Variants in MFHAS1 observed in about 807,000 individuals in gnomAD.
MFHAS1 encodes multifunctional ROCO family signaling regulator 1, also known as malignant fibrous histiocytoma-amplified sequence 1.
In MFHAS1, 50 loss-of-function variants were observed where a neutral mutation model predicts 70.4. That is an observed-to-expected ratio of 0.71 (90% CI 0.57 to 0.90). The LOEUF is 0.90. Among genes scored for constraint, MFHAS1 ranks in the 40% least tolerant of loss-of-function variants. MFHAS1 has a pLI of 0.00. For synonymous variants in MFHAS1, 952 were observed against 620.0 expected (o/e 1.54, Z -7.96); for missense variants, 1,795 against 1,347.6 (o/e 1.33, Z -5.20).
chr8:8,871,986 C>A (rs953385433), intron 1 of MFHAS1, among the ~76,000 whole-genome samples: 1 of 152,130 alleles, frequency 6.6e-6, no homozygotes. Context: ...GAAAATCTGC[C>A]CCATTCCAGA....
chr8:8,843,698 G>C (rs565968045), intron 1 of MFHAS1, among the ~76,000 whole-genome samples: 2 of 152,262 alleles, frequency 1.3e-5, no homozygotes, highest in South Asian at 4.1e-4. Flanking sequence ...GAAGAAGCAG[G>C]TCAGAAGAGA....
At chr8:8,856,048 C>A (rs1414591053) in intron 1 of MFHAS1, among the ~76,000 whole-genome samples, 2 of 152,128 alleles carry the variant, frequency 1.3e-5, no homozygotes, top group Non-Finnish European at 2.9e-5. Context: ...CGAGCGGGGA[C>A]TGAATGTTTA....
chr8:8,879,095 T>C (rs762474914), intron 1 of MFHAS1, among the ~76,000 whole-genome samples: 1 of 152,076 alleles, frequency 6.6e-6, no homozygotes, highest in Non-Finnish European at 1.5e-5. Context: ...ACGCCTGTAA[T>C]CCCAGCACTT....
At chr8:8,795,699 C>T (rs953532185) in intron 2 of MFHAS1, among the ~76,000 whole-genome samples, 1 of 152,174 alleles carries the variant, frequency 6.6e-6, no homozygotes, top group Non-Finnish European at 1.5e-5. Context: ...TGGGAACCCT[C>T]GCTTTGCAGG....
At chr8:8,861,855 T>C (rs1405217730) in intron 1 of MFHAS1, among the ~76,000 whole-genome samples, 2 of 152,234 alleles carry the variant, frequency 1.3e-5, no homozygotes, top group African/African-American at 4.8e-5. Flanking sequence ...TCACTCAGCA[T>C]AATGCTTTTG....
intron 1 of MFHAS1, among the ~76,000 whole-genome samples, chr8:8,803,828 G>A (rs937350886): frequency 1.3e-5 from 2 of 151,886 alleles, no homozygotes; most frequent in Non-Finnish European, 2.9e-5. Context: ...AAAAATTAGC[G>A]GGGCATCGTG....
intron 1 of MFHAS1, among the ~76,000 whole-genome samples, chr8:8,865,732 T>G (rs916715162): frequency 6.6e-6 from 1 of 152,236 alleles, no homozygotes; most frequent in Non-Finnish European, 1.5e-5. Flanking sequence ...TTGCCACTAT[T>G]AAACCAGGCA....
chr8:8,808,456 C>T (rs181601522), intron 1 of MFHAS1, among the ~76,000 whole-genome samples: 24 of 152,240 alleles, frequency 1.6e-4, no homozygotes, highest in African/African-American at 4.8e-4. Flanking sequence ...TCATAATGGC[C>T]CGAAAGTGTA....
At chr8:8,865,554 A>C (rs1361541519) in intron 1 of MFHAS1, among the ~76,000 whole-genome samples, 1 of 152,218 alleles carries the variant, frequency 6.6e-6, no homozygotes, top group African/African-American at 2.4e-5. Flanking sequence ...GGAATCACAT[A>C]GAAAAGCAAC....
intron 1 of MFHAS1, among the ~76,000 whole-genome samples, chr8:8,853,916 T>C (rs1256278301): frequency 6.6e-6 from 1 of 152,220 alleles, no homozygotes; most frequent in Non-Finnish European, 1.5e-5. Context: ...CCATACTCAC[T>C]AACACACTGG....
chr8:8,867,882 C>G (rs2116902446), intron 1 of MFHAS1, among the ~76,000 whole-genome samples: 1 of 152,186 alleles, frequency 6.6e-6, no homozygotes, highest in Admixed American at 6.5e-5. Flanking sequence ...TTTTTAGTAA[C>G]AGGTTAAAAA....
intron 1 of MFHAS1, among the ~76,000 whole-genome samples, chr8:8,859,368 C>A (rs1808576436): frequency 6.6e-6 from 1 of 152,126 alleles, no homozygotes; most frequent in Non-Finnish European, 1.5e-5. Context: ...AAAAAGTTCA[C>A]CATGTTTCCT....
Position 8,784,351 on chromosome 8 carries a change from A to T in MFHAS1, c.*1671T>A, listed in dbSNP as rs539285432. 2.0e-5 allele frequency: 3 copies of T among 152,198 alleles called. No homozygotes were observed. Among genetic ancestry groups the T allele is most frequent in the Non-Finnish European group, 4.4e-5 (3 of 68,040 alleles). The allele number at this position is 152,198 out of a possible 1,614,324, so 9.4% of individuals were successfully genotyped here. A position where few individuals can be genotyped will look rare whatever the true frequency, so the allele number is the denominator to read the frequency against. On this transcript the variant is annotated 3_prime_UTR_variant, in exon 3 of 3. Coordinates refer to ENST00000276282, the MANE Select transcript of MFHAS1 (RefSeq NM_004225.3). ...TGTGACAAAAGGATTCACCAGATTAATCTTGTGACTGTGTTCTAAAAGAAA... is the reference window on the plus strand; with the variant it reads ...TGTGACAAAAGGATTCACCAGATTATTCTTGTGACTGTGTTCTAAAAGAAA...
chr8:8,811,850 G>A (rs1450000805), intron 1 of MFHAS1, among the ~76,000 whole-genome samples: 3 of 152,198 alleles, frequency 2.0e-5, no homozygotes, highest in Admixed American at 6.5e-5. Flanking sequence ...TCCGACACTG[G>A]TGGGGCACAG....
intron 1 of MFHAS1, among the ~76,000 whole-genome samples, chr8:8,876,555 T>C (rs894230322): frequency 4.6e-5 from 7 of 151,956 alleles, no homozygotes; most frequent in Admixed American, 4.6e-4. Context: ...GCTAACGTGG[T>C]GAAACCCCGT....
intron 1 of MFHAS1, among the ~76,000 whole-genome samples, chr8:8,810,916 G>C (rs1049847431): frequency 5.9e-5 from 9 of 152,300 alleles, no homozygotes; most frequent in Middle Eastern, 3.4e-3. Context: ...TGGGAGGTCT[G>C]GTAGAGCTGA....
At chr8:8,840,779 G>A (rs979065648) in intron 1 of MFHAS1, among the ~76,000 whole-genome samples, 23 of 152,146 alleles carry the variant, frequency 1.5e-4, no homozygotes, top group African/African-American at 5.3e-4. Context: ...TCTATGTACT[G>A]GATGCCTAAC....
At chr8:8,862,640 T>C (rs1026319600) in intron 1 of MFHAS1, among the ~76,000 whole-genome samples, 2 of 152,200 alleles carry the variant, frequency 1.3e-5, no homozygotes, top group African/African-American at 2.4e-5. Flanking sequence ...TATGATACTA[T>C]AACGGTGGAT....
chr8:8,846,619 T>G (rs1450588582), intron 1 of MFHAS1, among the ~76,000 whole-genome samples: 4 of 152,100 alleles, frequency 2.6e-5, no homozygotes, highest in African/African-American at 9.6e-5. Context: ...TCTTTTCTCC[T>G]TCTTCCCCTG....
Sources: allele counts gnomAD v4.1 joint callset (sites outside exome capture counted in the v4.1 genomes callset), GRCh38; gene constraint gnomAD v4.1.1; transcripts MANE v1.5; gene names NCBI Gene and HGNC (gene_info 2026-07-23, HGNC 2026-07-21).